PRICKLE2: variants seen among roughly 807,000 people sequenced by gnomAD.
PRICKLE2 encodes the protein prickle-like protein 2.
In PRICKLE2, 21 loss-of-function variants were observed where a neutral mutation model predicts 81.4. The observed-to-expected ratio is 0.26, with a 90% CI of 0.18 to 0.37. PRICKLE2 has a LOEUF of 0.37. Among genes scored for constraint, PRICKLE2 ranks in the 10% least tolerant of loss-of-function variants. The probability of loss-of-function intolerance (pLI) is 1.00; values close to 1 mark genes in which losing one functional copy is unlikely to be tolerated. For missense variants in PRICKLE2, 940 were observed against 1,109.0 expected (o/e 0.85, Z 2.16); for synonymous variants, 456 against 421.5 (o/e 1.08, Z -1.00).
Position 64,093,775 on chromosome 3 carries a change from C to A in PRICKLE2, c.*5276G>T, listed in dbSNP as rs185274579. On this transcript the variant is annotated 3_prime_UTR_variant, in exon 8 of 8. Coordinates refer to ENST00000638394, the MANE Select transcript of PRICKLE2 (RefSeq NM_198859.4). The stretch of plus-strand genomic sequence containing the variant: ...CATAGTAAAACTCATCCCTCCATAC[C>A]TGTGTCCTTTCTTTTCTTTGTTGAA... 1 of 152,324 alleles carries A rather than the reference C, an allele frequency of 6.6e-6. No individual in the cohort carries two copies. Among genetic ancestry groups the A allele is most frequent in the East Asian group, 1.9e-4 (1 of 5,190 alleles). The allele number at this position is 152,324 out of a possible 1,614,324, so 9.4% of individuals were successfully genotyped here. A position where few individuals can be genotyped will look rare whatever the true frequency, so the allele number is the denominator to read the frequency against.
In PRICKLE2 at chr3:64,099,311, T is replaced by G. The variant is rs565155814; in HGVS notation, c.2275A>C (p.Asn759His). Residue 759 changes from asparagine (N) to histidine (H), a missense_variant, in exon 8 of 8, where the codon AAT (asparagine) becomes CAT (histidine). Coordinates refer to ENST00000638394, the MANE Select transcript of PRICKLE2 (RefSeq NM_198859.4). The surrounding 1 kb of genome is among the most constrained non-coding windows in gnomAD (Gnocchi z 4.3). Reference protein sequence around the residue: ...PRTVSDLALQNAFGDRWGPYF... With the variant: ...PRTVSDLALQHAFGDRWGPYF... ...GGTCCCCAGCGGTCCCCAAAGGCAT[T>G]CTGCAAAGCCAGGTCCGACACAGTC... 13 of 1,614,194 alleles carry G rather than the reference T, an allele frequency of 8.1e-6. No individual in the cohort carries two copies. In the African/African-American group the frequency reaches 1.6e-4, roughly 20 times the overall value.
chr3:64,152,093 A>T (rs538214053), intron 6 of PRICKLE2, among the ~76,000 whole-genome samples: 1 of 152,262 alleles, frequency 6.6e-6, no homozygotes, highest in East Asian at 1.9e-4. Flanking sequence ...ATACTAGCTA[A>T]TTTTTTTATT....
At chr3:64,259,225 G>A (rs1488531389) in intron 2 of PRICKLE2, among the ~76,000 whole-genome samples, 4 of 152,174 alleles carry the variant, frequency 2.6e-5, no homozygotes, top group African/African-American at 9.7e-5. Flanking sequence ...GATAACAGTG[G>A]CAGCAACACA....
At chr3:64,204,813 T>C (rs2078652601) in intron 1 of PRICKLE2, among the ~76,000 whole-genome samples, 1 of 152,126 alleles carries the variant, frequency 6.6e-6, no homozygotes, top group Non-Finnish European at 1.5e-5. Flanking sequence ...CCTTTGGTAA[T>C]GGCTAATTTA....
At chr3:64,214,566 C>A (rs1304941293) in intron 1 of PRICKLE2, among the ~76,000 whole-genome samples, 1 of 152,112 alleles carries the variant, frequency 6.6e-6, no homozygotes, top group Non-Finnish European at 1.5e-5. Flanking sequence ...TGGTTTTGTT[C>A]TGAGCTACAA....
intron 7 of PRICKLE2, among the ~76,000 whole-genome samples, chr3:64,118,155 G>C (rs1387605935): frequency 1.3e-5 from 2 of 152,156 alleles, no homozygotes; most frequent in African/African-American, 4.8e-5. Flanking sequence ...GCCATATGCT[G>C]AAAATTGAAA....
At chr3:64,227,121 G>A (rs1056421895), upstream of PRICKLE2, among the ~76,000 whole-genome samples, 1 of 152,200 alleles carries the variant, frequency 6.6e-6, no homozygotes, top group African/African-American at 2.4e-5. Context: ...CTTTCAGAAT[G>A]CTTCTCTCTA....
chr3:64,253,843 G>A (rs924421123), intron 2 of PRICKLE2, among the ~76,000 whole-genome samples: 11 of 152,316 alleles, frequency 7.2e-5, no homozygotes, highest in Non-Finnish European at 1.3e-4. Flanking sequence ...AAAGGGTAGC[G>A]TGGAATGTGC....
At chr3:64,140,756 T>TTGGCACATCATCTTGGAC (rs1372449059) in intron 7 of PRICKLE2, among the ~76,000 whole-genome samples, 2 of 152,164 alleles carry the variant, frequency 1.3e-5, no homozygotes, top group Non-Finnish European at 2.9e-5. Flanking sequence ...ACCTCTGACC[T>TTGGCACATCATCTTGGAC]TGGCACATCA....
chr3:64,267,127 T>C (rs704418), intron 2 of PRICKLE2, among the ~76,000 whole-genome samples: 130,905 of 151,950 alleles, frequency 0.86, 56,579 homozygotes, highest in East Asian at 0.99. Context: ...GCCCAGGCAC[T>C]CCAGATTTGT....
At chr3:64,177,125 CTTTTTTTTTTTT>C (rs10690677) in intron 2 of PRICKLE2, among the ~76,000 whole-genome samples, 3 of 70,838 alleles carry the variant, frequency 4.2e-5, no homozygotes, top group African/African-American at 1.8e-4. Context: ...CCATTTTAAC[CTTTTTTTTTTTT>C]TTTTTTTTTT....
At chr3:64,191,724 G>A (rs1390316914) in intron 2 of PRICKLE2, among the ~76,000 whole-genome samples, 1 of 152,218 alleles carries the variant, frequency 6.6e-6, no homozygotes, top group African/African-American at 2.4e-5. Flanking sequence ...GAAACTGAGG[G>A]TCCCAGAGAT....
intron 2 of PRICKLE2, among the ~76,000 whole-genome samples, chr3:64,184,452 C>T (rs1195643088): frequency 6.6e-6 from 1 of 152,116 alleles, no homozygotes; most frequent in Non-Finnish European, 1.5e-5. Context: ...AGAGCTGTTT[C>T]TTTTAGTTAT....
intron 2 of PRICKLE2, among the ~76,000 whole-genome samples, chr3:64,197,028 T>C (rs1405821970): frequency 3.3e-5 from 5 of 152,240 alleles, no homozygotes; most frequent in Non-Finnish European, 7.3e-5. Flanking sequence ...TCTGCCAATT[T>C]GCAACTTCAA....
intron 1 of PRICKLE2, among the ~76,000 whole-genome samples, chr3:64,224,252 C>A (rs964065520): frequency 2.0e-5 from 3 of 152,162 alleles, no homozygotes; most frequent in African/African-American, 7.2e-5. Flanking sequence ...GATTAAAAAT[C>A]TGTATTTCAT....
intron 2 of PRICKLE2, among the ~76,000 whole-genome samples, chr3:64,180,589 G>C (rs1436056222): frequency 2.0e-5 from 3 of 151,650 alleles, no homozygotes; most frequent in Non-Finnish European, 4.4e-5. Flanking sequence ...CTGGAGTGCA[G>C]TAGCACTATC....
At chr3:64,200,930 ATTT>A (rs61117605) in intron 1 of PRICKLE2, 5 of 119,684 alleles carry the variant, frequency 4.2e-5, no homozygotes, top group Admixed American at 8.5e-5. Context: ...TATGTTTTTA[ATTT>A]TTTTTTTTTT....
At chr3:64,156,068 T>C (rs1420838004) in intron 5 of PRICKLE2, among the ~76,000 whole-genome samples, 1 of 152,238 alleles carries the variant, frequency 6.6e-6, no homozygotes, top group African/African-American at 2.4e-5. Context: ...AATCATATTC[T>C]AATTGCCATT....
At position 64,093,962 on chromosome 3, in the gene PRICKLE2, G is replaced by C. The variant is rs895796019; in HGVS notation, c.*5089C>G. 2 of 152,592 alleles carry C rather than the reference G, an allele frequency of 1.3e-5. No individual in the cohort carries two copies. The highest frequency in any genetic ancestry group is 2.9e-5 in the Non-Finnish European group (2 of 68,044). The allele number at this position is 152,592 out of a possible 1,614,324, so 9.5% of individuals were successfully genotyped here. A position where few individuals can be genotyped will look rare whatever the true frequency, so the allele number is the denominator to read the frequency against. On this transcript the variant is annotated 3_prime_UTR_variant, in exon 8 of 8. Transcript: ENST00000638394. ...TTACAGGGCACGGATCTCAAGCAAA[G>C]TGTTCAGAACAGTCTCTGGCAGAGC...
Sources: allele counts gnomAD v4.1 joint callset (sites outside exome capture counted in the v4.1 genomes callset), GRCh38; gene constraint gnomAD v4.1.1; non-coding constraint Gnocchi (gnomAD v3.1); transcripts MANE v1.5; gene names NCBI Gene and HGNC (gene_info 2026-07-23, HGNC 2026-07-21).